UPF2: variants seen among roughly 807,000 people sequenced by gnomAD.
The protein encoded by UPF2 is UPF2 regulator of nonsense mediated mRNA decay, also known as regulator of nonsense transcripts 2.
In UPF2, 17 loss-of-function variants were observed where a neutral mutation model predicts 141.4. The observed-to-expected ratio is 0.12, with a 90% CI of 0.08 to 0.18. UPF2 has a LOEUF of 0.18. Ranked by LOEUF, UPF2 falls within the 10% of genes least tolerant of loss-of-function variation. UPF2 has a pLI of 1.00. For synonymous variants in UPF2, 540 were observed against 498.0 expected, an observed-to-expected ratio of 1.08 and a Z score of -1.12; for missense variants, 1,152 against 1,515.9, an observed-to-expected ratio of 0.76 and a Z score of 3.99.
intron 14 of UPF2, among the ~76,000 whole-genome samples, chr10:11,954,868 T>C (rs543523384): frequency 4.1e-5 from 6 of 147,782 alleles, no homozygotes; most frequent in African/African-American, 1.5e-4. Flanking sequence ...AGAATATACA[T>C]GAGTGAGAAG....
chr10:12,028,975 G>A lies in UPF2; in HGVS notation c.915C>T (p.Val305=). The change falls in exon 3 of 22, where the codon GTC becomes GTT. Residue 305 remains valine (V), a synonymous_variant. Coordinates refer to ENST00000357604, the MANE Select transcript of UPF2 (RefSeq NM_015542.4). ...GTCGACAGAAACTAATCACTACAGA[G>A]ACATGAGTGTGGGACTCCCGATCAG... ...INADRESHTH[V]SVVISFCRHC... 1 of 1,614,172 alleles carries A rather than the reference G, an allele frequency of 6.2e-7. No individual in the cohort carries two copies. Among genetic ancestry groups the A allele is most frequent in the Non-Finnish European group, 8.5e-7 (1 of 1,180,034 alleles).
At chr10:11,928,267 G>A (rs1832736807) in intron 21 of UPF2, among the ~76,000 whole-genome samples, 4 of 152,044 alleles carry the variant, frequency 2.6e-5, no homozygotes, top group South Asian at 4.1e-4. Flanking sequence ...AACCCGGGAG[G>A]TAGAGGTTGC....
chr10:11,942,775 A>G lies in UPF2; in HGVS notation c.3280-12T>C, dbSNP rs1244484235. On this transcript the variant is annotated splice_polypyrimidine_tract_variant and intron_variant, in intron 17 of 21. Transcript: ENST00000357604. ...TTAATCATTACCTCCTTATTAAAAC[A>G]AAACAACAAAATCAGACCAGAAATT... 6.2e-7 allele frequency: 1 copy of G among 1,610,438 alleles called. No individual in the cohort carries two copies. The highest frequency in any genetic ancestry group is 8.5e-7 in the Non-Finnish European group (1 of 1,178,000).
At chr10:12,028,278 A>G (rs2131305904) in intron 3 of UPF2, among the ~76,000 whole-genome samples, 1 of 152,298 alleles carries the variant, frequency 6.6e-6, no homozygotes, top group African/African-American at 2.4e-5. Flanking sequence ...ATTATTTCCC[A>G]AAACTCTAAT....
At chr10:11,954,524 C>T (rs1241913845) in intron 14 of UPF2, among the ~76,000 whole-genome samples, 2 of 151,296 alleles carry the variant, frequency 1.3e-5, no homozygotes, top group African/African-American at 2.4e-5. Context: ...ATCCCAGGTA[C>T]TCTGGAGGCT....
chr10:11,937,158 C>T (rs1362789281), intron 18 of UPF2, among the ~76,000 whole-genome samples: 1 of 152,228 alleles, frequency 6.6e-6, no homozygotes, highest in Non-Finnish European at 1.5e-5. Flanking sequence ...TCAGGGAGTA[C>T]TGAAGAATGA....
intron 9 of UPF2, among the ~76,000 whole-genome samples, chr10:11,974,252 G>A (rs1833467838): frequency 6.6e-6 from 1 of 152,140 alleles, no homozygotes; most frequent in Non-Finnish European, 1.5e-5. Context: ...TGCTGAAGTT[G>A]CTTATCAGCT....
At chr10:11,972,736 T>C (rs1588545416) in intron 9 of UPF2, among the ~76,000 whole-genome samples, 1 of 152,390 alleles carries the variant, frequency 6.6e-6, no homozygotes, top group Non-Finnish European at 1.5e-5. Context: ...GGCTGCATAG[T>C]ATTCCATGGT....
intron 8 of UPF2, among the ~76,000 whole-genome samples, chr10:11,983,978 C>G (rs1038397328): frequency 3.3e-5 from 5 of 151,880 alleles, no homozygotes; most frequent in Admixed American, 1.3e-4. Context: ...GGCTGGAGTG[C>G]AATGGCGCGA....
At chr10:11,949,552 A>C (rs1290941042) in intron 15 of UPF2, among the ~76,000 whole-genome samples, 3 of 152,254 alleles carry the variant, frequency 2.0e-5, no homozygotes, top group Admixed American at 2.0e-4. Context: ...ATTACATCAG[A>C]TTATAAGACC....
At position 11,959,200 on chromosome 10, in the gene UPF2, T is replaced by C; in HGVS notation, c.2341A>G (p.Lys781Glu). ...LQEYVRKLLY[K>E]DLSKVTTEKV... is the part of the protein sequence containing the mutation. ...TCGGTGGTAACCTTAGAGAGATCCT[T>C]GTACAAAAGTTTCCGGACATATTCC... Residue 781 changes from lysine to glutamate, a missense_variant, in exon 12 of 22, where the codon AAG becomes GAG. By Grantham distance (56) the Lys-to-Glu change is moderately conservative. Coordinates refer to ENST00000357604, the MANE Select transcript of UPF2 (RefSeq NM_015542.4). The surrounding 1 kb of genome is among the most constrained non-coding windows in gnomAD (Gnocchi z 5.9). 1 of 1,604,546 alleles carries C rather than the reference T, an allele frequency of 6.2e-7. No individual in the cohort carries two copies. The highest frequency in any genetic ancestry group is 1.4e-5 in the African/African-American group (1 of 73,758).
intron 9 of UPF2, among the ~76,000 whole-genome samples, chr10:11,976,080 G>A (rs1833502900): frequency 6.6e-6 from 1 of 152,214 alleles, no homozygotes; most frequent in Non-Finnish European, 1.5e-5. Context: ...AAGTATCTGA[G>A]AATGTTGGTT....
rs769779794 is a variant in UPF2 at position 11,955,327 on chromosome 10, T to G, written c.2755A>C (p.Ile919Leu). 5.6e-6 allele frequency: 9 copies of G among 1,614,194 alleles called. No individual in the cohort carries two copies. The highest frequency in any genetic ancestry group is 2.7e-5 in the African/African-American group (2 of 75,050). ...TCCAGAATAGTGCATACGAGTCTAA[T>G]TCTGAAAAGATGCTCAGGTGGGTCC... ...SLDPPEHLFRIRLVCTILDTC... is the reference protein window; with the variant it reads ...SLDPPEHLFRLRLVCTILDTC... Residue 919 changes from isoleucine (I) to leucine (L), a missense_variant, in exon 14 of 22, where the codon ATT becomes CTT. Transcript: ENST00000357604.
rs113049396 is a variant in UPF2 at position 11,998,649 on chromosome 10, TCAAGA to T, written c.1759-897_1759-893del. Among the ~76,000 whole-genome samples, 2 of 152,160 alleles carry T rather than the reference TCAAGA, an allele frequency of 1.3e-5. No individual in the cohort carries two copies. The highest frequency in any genetic ancestry group is 4.8e-5 in the African/African-American group (2 of 41,522). ...GGGTGGATCACGTGAGGTCAGGAGT[TCAAGA>T]CCAGCCTGGCCAACATAGTGAAACC... On this transcript the variant is annotated intron_variant, in intron 7 of 21. Coordinates refer to ENST00000357604, the MANE Select transcript of UPF2 (RefSeq NM_015542.4). The surrounding 1 kb of genome is among the most constrained non-coding windows in gnomAD (Gnocchi z 4.5).
At chr10:11,995,370 T>A (rs1168490081) in intron 8 of UPF2, among the ~76,000 whole-genome samples, 2 of 152,198 alleles carry the variant, frequency 1.3e-5, no homozygotes, top group African/African-American at 2.4e-5. Flanking sequence ...GCATTACATA[T>A]CTTGTTACCT....
At chr10:12,017,780 A>G (rs147061266) in intron 3 of UPF2, among the ~76,000 whole-genome samples, 470 of 152,252 alleles carry the variant, frequency 3.1e-3, no homozygotes, top group Non-Finnish European at 5.0e-3. Context: ...TCTGGGATAC[A>G]TGTGCAAAAC....
chr10:12,018,918 G>T (rs1368473456), intron 3 of UPF2, among the ~76,000 whole-genome samples: 2 of 152,118 alleles, frequency 1.3e-5, no homozygotes, highest in Non-Finnish European at 2.9e-5. Flanking sequence ...CCACTTGAGG[G>T]AACTAAATAT....
chr10:12,021,198 A>G (rs1313442087), intron 3 of UPF2, among the ~76,000 whole-genome samples: 1 of 152,150 alleles, frequency 6.6e-6, no homozygotes, highest in Non-Finnish European at 1.5e-5. Context: ...TCTTCAAAAT[A>G]TAGGCATTTA....
At chr10:11,989,718 T>C (rs1833748812) in intron 8 of UPF2, among the ~76,000 whole-genome samples, 1 of 152,168 alleles carries the variant, frequency 6.6e-6, no homozygotes, top group African/African-American at 2.4e-5. Context: ...TCCTAGACAA[T>C]GAGCTAAGAA....
Sources: allele counts gnomAD v4.1 joint callset (sites outside exome capture counted in the v4.1 genomes callset), GRCh38; gene constraint gnomAD v4.1.1; non-coding constraint Gnocchi (gnomAD v3.1); transcripts MANE v1.5; gene names NCBI Gene and HGNC (gene_info 2026-07-23, HGNC 2026-07-21).